PALM2AKAP2: variants seen among roughly 807,000 people sequenced by gnomAD.
PALM2AKAP2 encodes the protein PALM2 and AKAP2 fusion.
In PALM2AKAP2, 37 loss-of-function variants were observed where a neutral mutation model predicts 71.5. That is an observed-to-expected ratio of 0.52 (90% confidence interval 0.40 to 0.68). PALM2AKAP2 has a LOEUF of 0.68. Among genes scored for constraint, PALM2AKAP2 ranks in the 30% least tolerant of loss-of-function variants. The pLI, the probability that PALM2AKAP2 is intolerant of heterozygous loss-of-function variation, is 0.00. For synonymous variants in PALM2AKAP2, 468 were observed against 478.8 expected (o/e 0.98, Z 0.29); for missense variants, 1,224 against 1,191.8 (o/e 1.03, Z -0.40).
chr9:110,130,980 G>A (rs1835721531), intron 1 of PALM2AKAP2, among the ~76,000 whole-genome samples: 1 of 152,188 alleles, frequency 6.6e-6, no homozygotes, highest in Non-Finnish European at 1.5e-5. Flanking sequence ...AGCTTCAGGG[G>A]TTCTTGGGAG....
chr9:110,092,409 T>C (rs1179123288), intron 1 of PALM2AKAP2, among the ~76,000 whole-genome samples: 1 of 152,242 alleles, frequency 6.6e-6, no homozygotes, highest in Non-Finnish European at 1.5e-5. Context: ...ATCTGAATAT[T>C]GTTTCCTTGT....
intron 1 of PALM2AKAP2, among the ~76,000 whole-genome samples, chr9:109,822,304 C>T (rs141450584): frequency 3.5e-5 from 5 of 143,262 alleles, no homozygotes; most frequent in African/African-American, 1.3e-4. Context: ...TCCATCCATC[C>T]ATCTATCCAT....
intron 1 of PALM2AKAP2, among the ~76,000 whole-genome samples, chr9:109,656,776 G>A (rs147890474): frequency 1.4e-3 from 215 of 152,240 alleles, no homozygotes; most frequent in African/African-American, 5.0e-3. Flanking sequence ...AGAAGTGGTC[G>A]GATTTCACAA....
chr9:109,688,994 C>T (rs1288115916), intron 1 of PALM2AKAP2, among the ~76,000 whole-genome samples: 1 of 152,140 alleles, frequency 6.6e-6, no homozygotes, highest in Non-Finnish European at 1.5e-5. Context: ...TGCAGTTCTT[C>T]CATACTTCGC....
At chr9:110,107,606 G>T (rs956749286) in intron 1 of PALM2AKAP2, among the ~76,000 whole-genome samples, 5 of 152,106 alleles carry the variant, frequency 3.3e-5, no homozygotes, top group African/African-American at 1.2e-4. Context: ...TCACTCTGTT[G>T]CCCAGGCAGG....
At chr9:109,888,611 G>A (rs1830018212) in intron 3 of PALM2AKAP2, among the ~76,000 whole-genome samples, 1 of 150,158 alleles carries the variant, frequency 6.7e-6, no homozygotes, top group African/African-American at 2.5e-5. Flanking sequence ...TCAGGAGGCT[G>A]AGGCAGGAAA....
At chr9:110,110,324 G>C (rs1287119131) in intron 1 of PALM2AKAP2, among the ~76,000 whole-genome samples, 1 of 152,096 alleles carries the variant, frequency 6.6e-6, no homozygotes, top group Non-Finnish European at 1.5e-5. Context: ...GTCAGGGCTT[G>C]GTGAGTTTCA....
chr9:110,074,367 A>G (rs1008087528), intron 1 of PALM2AKAP2, among the ~76,000 whole-genome samples: 2 of 152,176 alleles, frequency 1.3e-5, no homozygotes, highest in African/African-American at 4.8e-5. Flanking sequence ...AAAGACTAAG[A>G]AAGTACCCCA....
At chr9:109,953,352 C>G (rs1831678275) in intron 6 of PALM2AKAP2, among the ~76,000 whole-genome samples, 1 of 152,194 alleles carries the variant, frequency 6.6e-6, no homozygotes, top group Non-Finnish European at 1.5e-5. Context: ...AATCTCACAT[C>G]AACTTTGTAA....
chr9:110,119,433 G>A lies in PALM2AKAP2; in HGVS notation c.157-16694G>A, dbSNP rs1400454934. ...AGTCTTTTATTATTGCAAAGATTGC[G>A]GCATTGGAGATCCTTGTGTATAGAT... On this transcript the variant is annotated intron_variant, in intron 1 of 3. Transcript: ENST00000374525. Among the ~76,000 whole-genome samples the A allele has an allele frequency of 2.6e-5, 4 of 152,030 alleles. No homozygotes were observed. The South Asian group carries it at 6.3e-4, about 24-fold the overall frequency.
chr9:109,721,399 C>G (rs896816055), intron 1 of PALM2AKAP2, among the ~76,000 whole-genome samples: 4 of 152,190 alleles, frequency 2.6e-5, no homozygotes, highest in African/African-American at 9.7e-5. Context: ...CTATTGGGAA[C>G]TTTCTCATTT....
chr9:109,936,954 A>G (rs1191697500), intron 6 of PALM2AKAP2, among the ~76,000 whole-genome samples: 1 of 152,208 alleles, frequency 6.6e-6, no homozygotes, highest in East Asian at 1.9e-4. Context: ...TGAACTTTCC[A>G]TCCTCCTGGA....
chr9:110,104,442 T>G (rs528950427), intron 1 of PALM2AKAP2, among the ~76,000 whole-genome samples: 1 of 152,222 alleles, frequency 6.6e-6, no homozygotes, highest in South Asian at 2.1e-4. Flanking sequence ...GTTAATTCGC[T>G]TGTGTTCCAG....
At chr9:109,878,607 A>C (rs1380136818) in intron 2 of PALM2AKAP2, among the ~76,000 whole-genome samples, 1 of 152,210 alleles carries the variant, frequency 6.6e-6, no homozygotes, top group Non-Finnish European at 1.5e-5. Context: ...CTGGAAGTGC[A>C]GGAATTCCAG....
At chr9:109,668,723 A>G (rs569545891) in intron 1 of PALM2AKAP2, among the ~76,000 whole-genome samples, 2 of 152,340 alleles carry the variant, frequency 1.3e-5, no homozygotes, top group South Asian at 2.1e-4. Context: ...AGTTTTAGTT[A>G]TATGAGGGCT....
chr9:109,721,500 G>A (rs972871914), intron 1 of PALM2AKAP2, among the ~76,000 whole-genome samples: 3 of 152,124 alleles, frequency 2.0e-5, no homozygotes, highest in African/African-American at 7.2e-5. Context: ...ATTTCCCCCA[G>A]ATTAATATTT....
At chr9:110,000,465 A>T (rs957930860) in intron 6 of PALM2AKAP2, among the ~76,000 whole-genome samples, 3 of 152,200 alleles carry the variant, frequency 2.0e-5, no homozygotes, top group Non-Finnish European at 4.4e-5. Context: ...TACTGCCGCA[A>T]TAAACATATG....
intron 1 of PALM2AKAP2, among the ~76,000 whole-genome samples, chr9:109,839,428 C>G (rs1828587419): frequency 6.6e-6 from 1 of 152,176 alleles, no homozygotes; most frequent in South Asian, 2.1e-4. Context: ...CAGCCAATAT[C>G]ATACTGAATG....
At chr9:109,689,256 G>A (rs1426927349) in intron 1 of PALM2AKAP2, among the ~76,000 whole-genome samples, 2 of 146,454 alleles carry the variant, frequency 1.4e-5, no homozygotes, top group Non-Finnish European at 3.0e-5. Flanking sequence ...AGGCTGGAGT[G>A]CAATGGTGCC....
Sources: allele counts gnomAD v4.1 joint callset (sites outside exome capture counted in the v4.1 genomes callset), GRCh38; gene constraint gnomAD v4.1.1; transcripts MANE v1.5; gene names NCBI Gene and HGNC (gene_info 2026-07-23, HGNC 2026-07-21).